Variants in ARID1B observed in about 807,000 individuals in gnomAD.
The protein encoded by ARID1B is AT-rich interactive domain-containing protein 1B.
Under a neutral mutation model 212.3 loss-of-function variants are expected in ARID1B, and 30 were observed. That is an observed-to-expected ratio of 0.14 (90% CI 0.11 to 0.19). The LOEUF (loss-of-function observed/expected upper bound fraction) is 0.19, where lower values mean the gene tolerates loss of function less well. Ranked by LOEUF, ARID1B falls within the 10% of genes least tolerant of loss-of-function variation. ARID1B has a pLI of 1.00. For missense variants in ARID1B, 2,891 were observed against 3,204.0 expected (o/e 0.90, Z 2.36); for synonymous variants, 1,402 against 1,301.7 (o/e 1.08, Z -1.66).
In ARID1B at chr6:157,206,688, C is replaced by G. The variant is rs141738728; in HGVS notation, c.5916C>G (p.Pro1972=). The G allele has an allele frequency of 1.9e-6, 3 of 1,612,886 alleles. No homozygotes were observed. ...CTCCTCGCAGGCGCCCACCTCCCCC[C>G]TTAAGCTCCGCAGGTAGAAAGAAAG... ...EIPPRRRPPP[P]LSSAGRKKEQ... is the part of the protein sequence containing the mutation. The change falls in exon 20 of 20, where the codon CCC becomes CCG. Residue 1972 remains proline (P), a synonymous_variant. Transcript: ENST00000636930. The surrounding 1 kb of genome is among the most constrained non-coding windows in gnomAD (Gnocchi z 6.8).
chr6:157,207,520 T>C lies in ARID1B; in HGVS notation c.6748T>C (p.Cys2250Arg). ...RYVGDRKNPVCREMSMALLSN... is the reference protein window; with the variant it reads ...RYVGDRKNPVRREMSMALLSN... ...CGTTGGGGATCGCAAAAACCCAGTCTGTCGAGAAATGTCCATGGCGCTTTT... is the reference window on the plus strand; with the variant it reads ...CGTTGGGGATCGCAAAAACCCAGTCCGTCGAGAAATGTCCATGGCGCTTTT... Residue 2250 changes from cysteine (C) to arginine (R), a missense_variant, in exon 20 of 20, where the codon TGT (cysteine) becomes CGT (arginine). Cys to Arg is a radical substitution (Grantham distance 180). Coordinates refer to ENST00000636930, the MANE Select transcript of ARID1B (RefSeq NM_001374828.1). The surrounding 1 kb of genome is among the most constrained non-coding windows in gnomAD (Gnocchi z 8.5). 6.2e-7 allele frequency: 1 copy of C among 1,614,214 alleles called. No individual in the cohort carries two copies. The highest frequency in any genetic ancestry group is 8.5e-7 in the Non-Finnish European group (1 of 1,180,042).
chr6:156,855,615 A>G (rs768834734), intron 2 of ARID1B, among the ~76,000 whole-genome samples: 1 of 152,286 alleles, frequency 6.6e-6, no homozygotes, highest in Non-Finnish European at 1.5e-5. Flanking sequence ...AAGCTAAACA[A>G]TAAGTTAGCT....
chr6:157,136,530 C>A (rs1011943963), intron 7 of ARID1B, among the ~76,000 whole-genome samples: 2 of 152,102 alleles, frequency 1.3e-5, no homozygotes, highest in African/African-American at 2.4e-5. Flanking sequence ...AAATAACTTG[C>A]CTTTAAGGAG....
In ARID1B at chr6:157,174,892, A is replaced by T. The variant is rs1351411341; in HGVS notation, c.3391A>T (p.Asn1131Tyr). Reference protein sequence around the residue: ...QGISQPPTPGNLPVPSPMSPS... With the variant: ...QGISQPPTPGYLPVPSPMSPS... ...TATTTCTCAGCCCCCAACCCCAGGC[A>T]ACCTGCCAGTCCCTTCCCCAATGTC... The change falls in exon 11 of 20, where the codon AAC becomes TAC. Residue 1131 changes from asparagine (N) to tyrosine (Y), a missense_variant. By Grantham distance (143) the Asn-to-Tyr change is moderately radical (BLOSUM62 -2). This residue lies in a region of ARID1B where 666 missense variants were observed against 873.5 expected (regional missense o/e 0.76). Transcript: ENST00000636930. The T allele has an allele frequency of 5.8e-6, 9 of 1,549,206 alleles. No homozygotes were observed. The highest frequency in any genetic ancestry group is 7.8e-6 in the Non-Finnish European group (9 of 1,147,020).
chr6:156,897,180 TTGCTGCTGCTACTGCTGCTGC>T (rs1195882354), intron 2 of ARID1B, among the ~76,000 whole-genome samples: 1 of 145,764 alleles, frequency 6.9e-6, no homozygotes, highest in Non-Finnish European at 1.5e-5. Context: ...AATTCTTCTT[TTGCTGCTGCTACTGCTGCTGC>T]TGCTGCTGCT....
At chr6:156,945,468 T>C (rs1420902172) in intron 4 of ARID1B, among the ~76,000 whole-genome samples, 1 of 151,824 alleles carries the variant, frequency 6.6e-6, no homozygotes, top group East Asian at 1.9e-4. Context: ...CCGAGTGTGC[T>C]GCGGCCTCCT....
chr6:156,947,668 A>G (rs58159379), intron 4 of ARID1B, among the ~76,000 whole-genome samples: 4,488 of 150,140 alleles, frequency 0.03, 221 homozygotes, highest in African/African-American at 0.1. Context: ...CCCTCCCCCT[A>G]TTTTTTCTTC....
chr6:156,777,269 G>T (rs886540482), upstream of ARID1B: 2 of 150,722 alleles, frequency 1.3e-5, no homozygotes, highest in African/African-American at 4.9e-5. Flanking sequence ...AGGCTGCGCC[G>T]GGGCGGGCGG....
chr6:157,054,958 AT>A (rs556209453), intron 4 of ARID1B, among the ~76,000 whole-genome samples: 112 of 152,214 alleles, frequency 7.4e-4, no homozygotes, highest in Middle Eastern at 3.4e-3. Context: ...ACCTGGTTCC[AT>A]TTTCCATTCA....
chr6:156,949,362 T>TAGAG (rs1380502533), intron 4 of ARID1B, among the ~76,000 whole-genome samples: 1 of 152,250 alleles, frequency 6.6e-6, no homozygotes, highest in African/African-American at 2.4e-5. Flanking sequence ...ATACTCCACC[T>TAGAG]AGAGTACTTT....
chr6:157,055,781 C>G (rs1782920809), intron 4 of ARID1B, among the ~76,000 whole-genome samples: 1 of 152,094 alleles, frequency 6.6e-6, no homozygotes, highest in South Asian at 2.1e-4. Flanking sequence ...GGGCTGTGGT[C>G]TCATCTGAGG....
chr6:156,930,189 G>T (rs1582970729), intron 3 of ARID1B, among the ~76,000 whole-genome samples: 1 of 152,226 alleles, frequency 6.6e-6, no homozygotes, highest in South Asian at 2.1e-4. Context: ...CCAGGTGGGA[G>T]AGGATTGGAT....
At chr6:157,143,572 T>C (rs1295171015) in intron 7 of ARID1B, among the ~76,000 whole-genome samples, 1 of 152,120 alleles carries the variant, frequency 6.6e-6, no homozygotes, top group Non-Finnish European at 1.5e-5. Flanking sequence ...CCTGGCGCTG[T>C]ACTTGTTACT....
chr6:157,152,607 G>A (rs999413352), intron 8 of ARID1B, among the ~76,000 whole-genome samples: 1 of 152,138 alleles, frequency 6.6e-6, no homozygotes, highest in Admixed American at 6.5e-5. Context: ...CATAACCTGT[G>A]TTGTGCCTTT....
chr6:156,794,658 G>A (rs2115247555), intron 1 of ARID1B, among the ~76,000 whole-genome samples: 1 of 137,748 alleles, frequency 7.3e-6, no homozygotes, highest in Non-Finnish European at 1.5e-5. Context: ...TTCACTGATG[G>A]CAACCTCTCT....
Position 157,207,090 on chromosome 6 carries a change from C to T in ARID1B, c.6318C>T (p.His2106=), listed in dbSNP as rs142416998. ...TGGGGAAGCTGATTCTTCTTCACCA[C>T]GAGCATCCAGAGAGAAAGCGAGCAC... ...LILGKLILLH[H]EHPERKRAPQ... Residue 2106 remains histidine, a synonymous_variant, in exon 20 of 20, where the codon CAC becomes CAT. Coordinates refer to ENST00000636930, the MANE Select transcript of ARID1B (RefSeq NM_001374828.1). The surrounding 1 kb of genome is among the most constrained non-coding windows in gnomAD (Gnocchi z 8.5). The T allele has an allele frequency of 2.3e-4, 368 of 1,614,062 alleles. No individual in the cohort carries two copies. Among genetic ancestry groups the T allele is most frequent in the Middle Eastern group, 9.9e-4 (6 of 6,084 alleles).
At chr6:157,161,462 G>T (rs1471267942) in intron 8 of ARID1B, among the ~76,000 whole-genome samples, 2 of 134,632 alleles carry the variant, frequency 1.5e-5, no homozygotes, top group African/African-American at 7.0e-5. Flanking sequence ...TATTTTGGCG[G>T]GGGGGCACAT....
At chr6:157,174,749 A>G (rs9384531) in intron 10 of ARID1B, 98 bp from the exon 11 acceptor site, 2 of 438,848 alleles carry the variant, frequency 4.6e-6, no homozygotes, top group South Asian at 8.0e-5. Flanking sequence ...TAATATATAT[A>G]AAAAAATTAG....
Position 156,777,876 on chromosome 6 carries a change from G to A in ARID1B, c.196G>A (p.Gly66Ser), listed in dbSNP as rs2114955304. 7.4e-6 allele frequency: 10 copies of A among 1,350,116 alleles called. No homozygotes were observed. Among genetic ancestry groups the A allele is most frequent in the Admixed American group, 3.9e-5 (1 of 25,618 alleles). 83.6% of individuals were successfully genotyped at this position (1,350,116 alleles called of 1,614,324 possible). Residue 66 changes from glycine to serine, a missense_variant, in exon 1 of 20, where the codon GGC (glycine) becomes AGC (serine). By Grantham distance (56) the Gly-to-Ser change is moderately conservative (BLOSUM62 0). Coordinates refer to ENST00000636930, the MANE Select transcript of ARID1B (RefSeq NM_001374828.1). ...PMLGGGGDGG[G>S]GLNSVHHHPL... is the part of the protein sequence containing the mutation. ...GCTGGGGGGCGGCGGCGACGGCGGC[G>A]GCGGCCTGAACAGTGTGCACCACCA...
Sources: allele counts gnomAD v4.1 joint callset (sites outside exome capture counted in the v4.1 genomes callset), GRCh38; gene constraint gnomAD v4.1.1; regional missense constraint gnomAD v4.1.1; non-coding constraint Gnocchi (gnomAD v3.1); transcripts MANE v1.5; gene names NCBI Gene and HGNC (gene_info 2026-07-23, HGNC 2026-07-21).